Variants in AGK observed in about 807,000 individuals in gnomAD.
AGK encodes the protein acylglycerol kinase, mitochondrial.
A neutral mutation model predicts 66.4 loss-of-function variants in AGK; 52 were observed. The ratio of observed to expected loss-of-function variants is 0.78; its 90% confidence interval spans 0.63 to 0.99. The LOEUF is 0.99. Among genes scored for constraint, AGK ranks in the 50% least tolerant of loss-of-function variants. AGK has a pLI of 0.00. For missense variants in AGK, 451 were observed against 506.6 expected (o/e 0.89, Z 1.05); for synonymous variants, 182 against 181.1 (o/e 1.00, Z -0.04).
chr7:141,648,058 C>G (rs1168937787), intron 13 of AGK, among the ~76,000 whole-genome samples: 2 of 152,186 alleles, frequency 1.3e-5, no homozygotes, highest in East Asian at 1.9e-4. Context: ...GTTTGAGAAC[C>G]ACTGCCCTGG....
At position 141,654,590 on chromosome 7, in the gene AGK, C is replaced by T. The variant is rs148035579; in HGVS notation, c.*1666C>T. ...CATGGCTTTGCCAGCCAGTCATTAGCACCATTTACTTTTACTATCGCTGAC... is the reference window on the plus strand; with the variant it reads ...CATGGCTTTGCCAGCCAGTCATTAGTACCATTTACTTTTACTATCGCTGAC... On this transcript the variant is annotated 3_prime_UTR_variant, in exon 16 of 16. Transcript: ENST00000649286. 1.4e-4 allele frequency: 22 copies of T among 152,312 alleles called. No homozygotes were observed. Among genetic ancestry groups the T allele is most frequent in the Middle Eastern group, 3.4e-3 (1 of 296 alleles). 9.4% of individuals were successfully genotyped at this position (152,312 alleles called of 1,614,324 possible).
intron 10 of AGK, among the ~76,000 whole-genome samples, chr7:141,636,744 C>T (rs903376424): frequency 2.0e-5 from 3 of 152,180 alleles, no homozygotes; most frequent in Non-Finnish European, 4.4e-5. Context: ...AGAATCTTTA[C>T]TGCGTAACTA....
At chr7:141,564,086 GAGAAGCTGAGACTATATGTGCATGACA>G (rs1204078316) in intron 2 of AGK, among the ~76,000 whole-genome samples, 1 of 152,184 alleles carries the variant, frequency 6.6e-6, no homozygotes, top group Admixed American at 6.5e-5. Context: ...TCAGCCGCCT[GAGAAGCTGAGACTATATGTGCATGACA>G]GCACACCCTG....
intron 5 of AGK, among the ~76,000 whole-genome samples, chr7:141,603,155 T>C (rs779480855): frequency 8.5e-5 from 13 of 152,294 alleles, no homozygotes; most frequent in Non-Finnish European, 1.8e-4. Context: ...AGTCTGTTAA[T>C]TGTGTGGGTT....
At chr7:141,581,474 G>A (rs1258446630) in intron 2 of AGK, among the ~76,000 whole-genome samples, 6 of 151,866 alleles carry the variant, frequency 4.0e-5, no homozygotes, top group Admixed American at 3.3e-4. Flanking sequence ...TAAAATGGGG[G>A]AATTGTAAGG....
At chr7:141,640,207 C>T (rs1426080384) in intron 11 of AGK, among the ~76,000 whole-genome samples, 1 of 152,166 alleles carries the variant, frequency 6.6e-6, no homozygotes, top group Non-Finnish European at 1.5e-5. Flanking sequence ...GATACGTGGT[C>T]TCTATCTGAT....
At chr7:141,595,803 A>G (rs1796213875) in intron 3 of AGK, among the ~76,000 whole-genome samples, 1 of 152,062 alleles carries the variant, frequency 6.6e-6, no homozygotes, top group South Asian at 2.1e-4. Flanking sequence ...TTTTAATTCT[A>G]CCTCATCCTT....
chr7:141,610,157 C>T (rs943554586), intron 5 of AGK, among the ~76,000 whole-genome samples: 16 of 151,870 alleles, frequency 1.1e-4, no homozygotes, highest in Admixed American at 3.9e-4. Context: ...TTAGTAGAGA[C>T]GGGGTTTCAC....
chr7:141,608,200 G>A (rs1428677450), intron 5 of AGK, among the ~76,000 whole-genome samples: 1 of 152,190 alleles, frequency 6.6e-6, no homozygotes, highest in African/African-American at 2.4e-5. Context: ...AGATGGCAAT[G>A]AGTGCTAAGA....
At chr7:141,564,347 A>T (rs1795418478) in intron 2 of AGK, among the ~76,000 whole-genome samples, 1 of 152,238 alleles carries the variant, frequency 6.6e-6, no homozygotes, top group African/African-American at 2.4e-5. Context: ...GGGAGGCCTC[A>T]GGAAACTTAC....
At chr7:141,588,772 A>G (rs1483213324) in intron 2 of AGK, among the ~76,000 whole-genome samples, 2 of 152,184 alleles carry the variant, frequency 1.3e-5, no homozygotes, top group African/African-American at 4.8e-5. Context: ...GGGATGGGCA[A>G]TTCCCAGAAC....
intron 3 of AGK, among the ~76,000 whole-genome samples, chr7:141,595,593 C>T (rs1234826983): frequency 6.6e-6 from 1 of 151,796 alleles, no homozygotes; most frequent in African/African-American, 2.4e-5. Context: ...TACTTTTTTT[C>T]CTCCTCCTAT....
At chr7:141,575,654 CTTTTTTTTTTT>C (rs58292692) in intron 2 of AGK, among the ~76,000 whole-genome samples, 25 of 58,240 alleles carry the variant, frequency 4.3e-4, no homozygotes, top group Middle Eastern at 0.022. Context: ...TTACAAAGGC[CTTTTTTTTTTT>C]TTTTTTTTTT....
chr7:141,650,430 T>C (rs1797527700), intron 14 of AGK: 3 of 851,054 alleles, frequency 3.5e-6, no homozygotes, highest in African/African-American at 3.7e-5. Flanking sequence ...ATGTTCTGCA[T>C]TGTTAGCACC....
intron 9 of AGK, among the ~76,000 whole-genome samples, chr7:141,632,748 C>G (rs987626389): frequency 2.6e-5 from 4 of 152,180 alleles, no homozygotes; most frequent in Non-Finnish European, 5.9e-5. Flanking sequence ...TCTCTGGTTC[C>G]CTTGTCCCTT....
intron 2 of AGK, among the ~76,000 whole-genome samples, chr7:141,559,020 C>T (rs918352067): frequency 3.3e-5 from 5 of 152,008 alleles, no homozygotes; most frequent in Non-Finnish European, 5.9e-5. Context: ...GATATTAATC[C>T]CTTGTGAGAT....
chr7:141,627,438 T>TA (rs1373124567), intron 9 of AGK, among the ~76,000 whole-genome samples: 1 of 152,188 alleles, frequency 6.6e-6, no homozygotes, highest in Non-Finnish European at 1.5e-5. Context: ...CGTTCCCTGA[T>TA]ATTTGTGAAA....
chr7:141,570,321 A>T (rs1164948911), intron 2 of AGK, among the ~76,000 whole-genome samples: 1 of 152,128 alleles, frequency 6.6e-6, no homozygotes, highest in Non-Finnish European at 1.5e-5. Context: ...CGGGAGGCGG[A>T]GGTTGCAGTG....
At chr7:141,575,224 G>A (rs1795708539) in intron 2 of AGK, among the ~76,000 whole-genome samples, 1 of 152,248 alleles carries the variant, frequency 6.6e-6, no homozygotes, top group Non-Finnish European at 1.5e-5. Flanking sequence ...GAGAAGCAGA[G>A]TATTGAGGGG....
Sources: gnomAD v4.1 joint callset for allele counts (sites outside exome capture counted in the v4.1 genomes callset) on GRCh38, gnomAD v4.1.1 for gene constraint, MANE v1.5 for transcripts, NCBI Gene and HGNC (gene_info 2026-07-23, HGNC 2026-07-21) for gene names.